The following FNIP1 variants were observed in gnomAD, a reference collection of about 807,000 sequenced individuals.
FNIP1 encodes the protein folliculin interacting protein 1.
A neutral mutation model predicts 124.5 loss-of-function variants in FNIP1; 40 were observed. That is an observed-to-expected ratio of 0.32 (90% CI 0.25 to 0.42). The LOEUF (loss-of-function observed/expected upper bound fraction) is 0.42. Ranked by LOEUF, FNIP1 falls within the 10% of genes least tolerant of loss-of-function variation. FNIP1 has a pLI of 1.00. For synonymous variants in FNIP1, 472 were observed against 470.6 expected, an observed-to-expected ratio of 1.00 and a Z score of -0.04; for missense variants, 1,176 against 1,403.7, an observed-to-expected ratio of 0.84 and a Z score of 2.59.
intron 6 of FNIP1, among the ~76,000 whole-genome samples, chr5:131,710,888 A>C (rs947796407): frequency 6.6e-6 from 1 of 152,238 alleles, no homozygotes; most frequent in Non-Finnish European, 1.5e-5. Flanking sequence ...TTTTACTAAT[A>C]AATCTATATG....
chr5:131,674,829 C>A (rs745604315), intron 13 of FNIP1, among the ~76,000 whole-genome samples: 4 of 145,028 alleles, frequency 2.8e-5, no homozygotes, highest in Non-Finnish European at 5.9e-5. Flanking sequence ...TTTACAAAGC[C>A]CTCACACTTT....
At chr5:131,745,761 T>G (rs534849899) in intron 1 of FNIP1, among the ~76,000 whole-genome samples, 1 of 152,076 alleles carries the variant, frequency 6.6e-6, no homozygotes, top group Non-Finnish European at 1.5e-5. Context: ...GCAAAAGAAG[T>G]CAGACAATGA....
chr5:131,660,591 A>C (rs1767397245), intron 15 of FNIP1, among the ~76,000 whole-genome samples: 1 of 152,188 alleles, frequency 6.6e-6, no homozygotes, highest in Admixed American at 6.5e-5. Flanking sequence ...ACTGCCTTTT[A>C]AAAATCCCTA....
At chr5:131,785,656 C>T (rs1772189922) in intron 1 of FNIP1, among the ~76,000 whole-genome samples, 2 of 152,066 alleles carry the variant, frequency 1.3e-5, no homozygotes, top group Non-Finnish European at 2.9e-5. Flanking sequence ...GGTACATTAA[C>T]ATGGGGCTTT....
chr5:131,671,115 T>C (rs1235618752), intron 14 of FNIP1, among the ~76,000 whole-genome samples: 1 of 152,222 alleles, frequency 6.6e-6, no homozygotes, highest in Non-Finnish European at 1.5e-5. Flanking sequence ...ACCCAAAGTA[T>C]ACATTCTCTG....
chr5:131,698,953 G>A lies in FNIP1; in HGVS notation c.1166C>T (p.Ala389Val), dbSNP rs1339338040. Residue 389 changes from alanine to valine, a missense_variant, in exon 11 of 18, where the codon GCA becomes GTA. By Grantham distance (64) the Ala-to-Val change is moderately conservative. Transcript: ENST00000510461. ...TAGGGCATCAACTATTCGATTATAT[G>A]CCAAACTTCTCTGACTGGCATCAGC... is the stretch of plus-strand genomic sequence containing the variant. ...RSADASQRSLAYNRIVDALNE... is the reference protein window; with the variant it reads ...RSADASQRSLVYNRIVDALNE... 4 of 1,611,502 alleles carry A rather than the reference G, an allele frequency of 2.5e-6. No homozygotes were observed. Among genetic ancestry groups the A allele is most frequent in the Non-Finnish European group, 3.4e-6 (4 of 1,179,148 alleles).
At chr5:131,782,137 T>C (rs151180937) in intron 1 of FNIP1, among the ~76,000 whole-genome samples, 3 of 152,052 alleles carry the variant, frequency 2.0e-5, no homozygotes, top group African/African-American at 7.2e-5. Flanking sequence ...CTAGGCGACA[T>C]GGAGACTCTG....
chr5:131,719,143 C>A, intron 4 of FNIP1, 83 bp from the exon 5 acceptor site: 1 of 1,368,566 alleles, frequency 7.3e-7, no homozygotes, highest in South Asian at 1.2e-5. Flanking sequence ...ATGTGTAAGT[C>A]ACAGAGGTTT....
chr5:131,789,475 T>C (rs756028575), intron 1 of FNIP1, among the ~76,000 whole-genome samples: 11 of 151,990 alleles, frequency 7.2e-5, no homozygotes, highest in Non-Finnish European at 1.6e-4. Context: ...AGTGAAAAAA[T>C]AACTCGGCAC....
chr5:131,781,279 T>C (rs1771987874), intron 1 of FNIP1, among the ~76,000 whole-genome samples: 1 of 152,162 alleles, frequency 6.6e-6, no homozygotes, highest in Non-Finnish European at 1.5e-5. Context: ...AAAAGGCAAA[T>C]TACCCAGAAG....
intron 2 of FNIP1, among the ~76,000 whole-genome samples, chr5:131,737,721 GC>G (rs1484814656): frequency 6.6e-6 from 1 of 152,116 alleles, no homozygotes; most frequent in Non-Finnish European, 1.5e-5. Context: ...ACGTGAGTTA[GC>G]TGCTGCTATC....
At chr5:131,697,122 G>A (rs183914796) in intron 11 of FNIP1, among the ~76,000 whole-genome samples, 185 of 152,172 alleles carry the variant, frequency 1.2e-3, no homozygotes, top group African/African-American at 4.4e-3. Context: ...TCCAAGATGT[G>A]ATGGCCCATT....
intron 11 of FNIP1, among the ~76,000 whole-genome samples, chr5:131,686,813 C>T (rs1208297337): frequency 1.3e-5 from 2 of 152,068 alleles, no homozygotes; most frequent in Non-Finnish European, 2.9e-5. Flanking sequence ...AATCCTCTCA[C>T]CGTGGCCTCC....
chr5:131,674,070 T>C (rs1767843698), intron 13 of FNIP1, among the ~76,000 whole-genome samples: 1 of 151,596 alleles, frequency 6.6e-6, no homozygotes, highest in African/African-American at 2.4e-5. Flanking sequence ...TAAAAAGAAA[T>C]AAAATAAAAA....
rs139550903 is a variant in FNIP1 at position 131,767,427 on chromosome 5, CAAAAAAAAAAAA to C, written c.93-22749_93-22738del. 2.3e-4 allele frequency among the ~76,000 whole-genome samples: 15 copies of C among 63,992 alleles called. 1 individual carries two copies. Among genetic ancestry groups the C allele is most frequent in the Non-Finnish European group, 3.5e-4 (12 of 34,336 alleles). 42.0% of individuals were successfully genotyped at this position (63,992 alleles called of 152,430 possible). Reference sequence around the variant, plus strand: ...CTGGTGACAGAGTGAGATTCTGTCTCAAAAAAAAAAAAAAAAAAAAAAAAAAAAAGAAAAGAA... The same window carrying C: ...CTGGTGACAGAGTGAGATTCTGTCTCAAAAAAAAAAAAAAAAAGAAAAGAA... On this transcript the variant is annotated intron_variant, in intron 1 of 17. Transcript: ENST00000510461.
At chr5:131,678,838 TTCACTGCTTTTCATTCA>T (rs1224467611) in intron 12 of FNIP1, among the ~76,000 whole-genome samples, 174 bp downstream of exon 12, 1 of 152,238 alleles carries the variant, frequency 6.6e-6, no homozygotes, top group Non-Finnish European at 1.5e-5. Flanking sequence ...TACAGACATT[TTCACTGCTTTTCATTCA>T]TAAGGTTCTG....
At chr5:131,740,247 A>C (rs947503890) in intron 2 of FNIP1, among the ~76,000 whole-genome samples, 3 of 152,212 alleles carry the variant, frequency 2.0e-5, no homozygotes, top group Admixed American at 6.5e-5. Context: ...ATGTGTTCAA[A>C]CTGGAAGCTA....
chr5:131,783,850 G>T (rs578252535), intron 1 of FNIP1, among the ~76,000 whole-genome samples: 1 of 152,056 alleles, frequency 6.6e-6, no homozygotes, highest in African/African-American at 2.4e-5. Flanking sequence ...CAAGCATAAA[G>T]ATAGAACAAA....
intron 15 of FNIP1, among the ~76,000 whole-genome samples, chr5:131,660,312 C>A (rs1376608327): frequency 6.6e-6 from 1 of 152,112 alleles, no homozygotes; most frequent in Non-Finnish European, 1.5e-5. Flanking sequence ...TCTGCTAAGG[C>A]ACAGACATTA....
Sources: allele counts gnomAD v4.1 joint callset (sites outside exome capture counted in the v4.1 genomes callset), GRCh38; gene constraint gnomAD v4.1.1; transcripts MANE v1.5; gene names NCBI Gene and HGNC (gene_info 2026-07-23, HGNC 2026-07-21).